UPP2: variants seen among roughly 807,000 people sequenced by gnomAD.
UPP2 encodes the protein uridine phosphorylase 2, also known as UPase 2.
In UPP2, 23 loss-of-function variants were observed where a neutral mutation model predicts 26.7. The observed-to-expected ratio is 0.86, with a 90% confidence interval of 0.62 to 1.22. The LOEUF (loss-of-function observed/expected upper bound fraction) is 1.22. UPP2 is among the 50% of genes most tolerant of loss of function. The probability of loss-of-function intolerance (pLI) is 0.00; values close to 1 mark genes in which losing one functional copy is unlikely to be tolerated. For synonymous variants in UPP2, 127 were observed against 141.3 expected (o/e 0.90, Z 0.72); for missense variants, 387 against 396.7 (o/e 0.98, Z 0.21).
chr2:158,106,429 C>T (rs1204326550), intron 2 of UPP2, among the ~76,000 whole-genome samples: 1 of 152,116 alleles, frequency 6.6e-6, no homozygotes, highest in Non-Finnish European at 1.5e-5. Flanking sequence ...AAATCTAATG[C>T]AAACATGTTA....
intron 3 of UPP2, chr2:158,065,894 A>G: frequency 3.3e-6 from 2 of 612,988 alleles, no homozygotes; most frequent in South Asian, 3.2e-5. Flanking sequence ...TTGTTGCCCT[A>G]GCATTAATTG....
chr2:158,033,745 C>T (rs1558909644), intron 3 of UPP2, among the ~76,000 whole-genome samples: 1 of 152,198 alleles, frequency 6.6e-6, no homozygotes, highest in Non-Finnish European at 1.5e-5. Context: ...TTAGCCTATC[C>T]TCAGGTTTAA....
At chr2:158,062,589 A>G (rs1682369310) in intron 3 of UPP2, among the ~76,000 whole-genome samples, 1 of 152,124 alleles carries the variant, frequency 6.6e-6, no homozygotes, top group Admixed American at 6.5e-5. Context: ...CCCTACCCCA[A>G]TGTTTGACCC....
At chr2:158,081,317 G>A (rs573171886) in intron 3 of UPP2, among the ~76,000 whole-genome samples, 1 of 152,100 alleles carries the variant, frequency 6.6e-6, no homozygotes, top group East Asian at 1.9e-4. Context: ...ATTGCACTAT[G>A]TTCTTATTTT....
At chr2:158,110,012 T>A (rs1683279110) in intron 2 of UPP2, among the ~76,000 whole-genome samples, 1 of 152,158 alleles carries the variant, frequency 6.6e-6, no homozygotes, top group Non-Finnish European at 1.5e-5. Context: ...AGAAGAAATA[T>A]TTTTTATTAT....
chr2:158,032,770 G>A (rs1003767172), intron 3 of UPP2, among the ~76,000 whole-genome samples: 3 of 152,166 alleles, frequency 2.0e-5, no homozygotes, highest in African/African-American at 4.8e-5. Context: ...AAATCCATGA[G>A]TTCCAGGTTA....
intron 3 of UPP2, among the ~76,000 whole-genome samples, chr2:158,022,189 G>T (rs1053584715): frequency 6.6e-6 from 1 of 152,148 alleles, no homozygotes; most frequent in Non-Finnish European, 1.5e-5. Context: ...GCCATGTGCG[G>T]TGGCTCATGC....
chr2:158,090,199 C>G (rs193070971), intron 3 of UPP2, among the ~76,000 whole-genome samples: 41 of 152,174 alleles, frequency 2.7e-4, no homozygotes, highest in African/African-American at 9.6e-4. Context: ...CATTGTGTGC[C>G]TGTATTAAAA....
intron 2 of UPP2, chr2:157,995,408 A>C: frequency 1.1e-6 from 1 of 874,138 alleles, no homozygotes; most frequent in Non-Finnish European, 1.8e-6. Flanking sequence ...TTAAGGGATG[A>C]TGCAACACAT....
intron 3 of UPP2, among the ~76,000 whole-genome samples, chr2:158,022,367 G>A (rs539212487): frequency 5.6e-4 from 85 of 150,900 alleles, no homozygotes; most frequent in African/African-American, 1.9e-3. Flanking sequence ...GCTGAGGCAG[G>A]AGAATTGCTT....
In UPP2 at chr2:158,117,912, T is replaced by C. The variant is rs777906816; in HGVS notation, c.428T>C (p.Ile143Thr). ...HHARCCDVTI[I>T]RIGTSGGIGI... is the part of the protein sequence containing the mutation. ...GCACGGTGCTGCGATGTCACCATTA[T>C]TAGAATCGGTACATCAGGGGGAATA... Residue 143 changes from isoleucine to threonine, a missense_variant, in exon 4 of 7, where the codon ATT (isoleucine) becomes ACT (threonine). By Grantham distance (89) the Ile-to-Thr change is moderately conservative. Coordinates refer to ENST00000005756, the MANE Select transcript of UPP2 (RefSeq NM_173355.4). The C allele has an allele frequency of 6.2e-7, 1 of 1,612,106 alleles. No individual in the cohort carries two copies. The highest frequency in any genetic ancestry group is 1.1e-5 in the South Asian group (1 of 91,046).
chr2:158,005,160 G>A (rs1455479590), intron 2 of UPP2, among the ~76,000 whole-genome samples: 5 of 152,156 alleles, frequency 3.3e-5, no homozygotes, highest in Non-Finnish European at 7.3e-5. Context: ...CAAGAAATCT[G>A]TTATGGTCTC....
intron 6 of UPP2, among the ~76,000 whole-genome samples, chr2:158,125,776 A>G (rs1271836817): frequency 6.6e-6 from 1 of 152,170 alleles, no homozygotes; most frequent in East Asian, 1.9e-4. Flanking sequence ...GAACAAGAGC[A>G]TCTGCTTTTC....
intron 2 of UPP2, among the ~76,000 whole-genome samples, chr2:158,010,686 A>G (rs1381437107): frequency 6.6e-6 from 1 of 152,192 alleles, no homozygotes; most frequent in Non-Finnish European, 1.5e-5. Context: ...TGTTAAGTGA[A>G]GGCACAGTTA....
intron 2 of UPP2, among the ~76,000 whole-genome samples, chr2:158,001,514 C>A (rs2105462576): frequency 6.6e-6 from 1 of 152,148 alleles, no homozygotes; most frequent in African/African-American, 2.4e-5. Context: ...TGGGGTGAAT[C>A]CAATAAGAAG....
At chr2:157,997,543 C>T (rs919696731) in intron 2 of UPP2, among the ~76,000 whole-genome samples, 4 of 152,176 alleles carry the variant, frequency 2.6e-5, no homozygotes, top group African/African-American at 9.6e-5. Context: ...ATTGCTCCTT[C>T]ACTTCCATGC....
chr2:158,034,732 G>A (rs1438340868), intron 3 of UPP2, among the ~76,000 whole-genome samples: 1 of 152,212 alleles, frequency 6.6e-6, no homozygotes, highest in East Asian at 1.9e-4. Context: ...AGTTCATTAT[G>A]TCTATGCCTC....
chr2:158,003,253 G>C (rs1683437698), intron 2 of UPP2, among the ~76,000 whole-genome samples: 1 of 152,116 alleles, frequency 6.6e-6, no homozygotes, highest in Non-Finnish European at 1.5e-5. Context: ...GTTGTAGGGG[G>C]TGAGAGGGTC....
chr2:158,124,641 A>G (rs1683654561), intron 6 of UPP2, among the ~76,000 whole-genome samples: 3 of 152,216 alleles, frequency 2.0e-5, no homozygotes, highest in Non-Finnish European at 2.9e-5. Flanking sequence ...GTCTAGTGAG[A>G]GTTGATGGAC....
Sources: allele counts gnomAD v4.1 joint callset (sites outside exome capture counted in the v4.1 genomes callset), GRCh38; gene constraint gnomAD v4.1.1; transcripts MANE v1.5; gene names NCBI Gene and HGNC (gene_info 2026-07-23, HGNC 2026-07-21).